The following ZNF613 variants were observed in gnomAD, a reference collection of about 807,000 sequenced individuals.
The protein encoded by ZNF613 is zinc finger protein 613.
ZNF613 carries 8 observed loss-of-function variants against 14.3 expected under a neutral mutation model. The ratio of observed to expected loss-of-function variants is 0.56; its 90% CI spans 0.33 to 1.01. The LOEUF (loss-of-function observed/expected upper bound fraction) is 1.01, where lower values mean the gene tolerates loss of function less well. ZNF613 is among the 50% of genes least tolerant of loss of function. ZNF613 has a pLI of 0.03. For missense variants in ZNF613, 656 were observed against 741.9 expected (o/e 0.88, Z 1.35); for synonymous variants, 228 against 254.5 (o/e 0.90, Z 0.99).
At chr19:51,932,302 C>CTTTTTT (rs34474633) in intron 2 of ZNF613, among the ~76,000 whole-genome samples, 6 of 90,954 alleles carry the variant, frequency 6.6e-5, no homozygotes, top group East Asian at 3.0e-4. Context: ...CTCCCAACAT[C>CTTTTTT]TTTTTTTTTT....
rs201644467 is a variant in ZNF613, at chr19:51,945,686, G to A, written c.1803G>A (p.Gln601=). The A allele has an allele frequency of 2.7e-5, 43 of 1,614,044 alleles. No individual in the cohort carries two copies. The highest frequency in any genetic ancestry group is 3.6e-5 in the Non-Finnish European group (42 of 1,180,026). Reference sequence around the variant, plus strand: ...AGAGCAAAGTAGCCATTGTGAGCCAGCCTGTTGCCAGAAGTTCAGTCTCAG... The same window carrying A: ...AGAGCAAAGTAGCCATTGTGAGCCAACCTGTTGCCAGAAGTTCAGTCTCAG... ...QAESKVAIVS[Q]PVARSSVSAD... The change falls in exon 6 of 6, where the codon CAG becomes CAA. Residue 601 remains glutamine (Q), a synonymous_variant. Transcript: ENST00000293471.
chr19:51,945,201 A>G lies in ZNF613; in HGVS notation c.1318A>G (p.Lys440Glu), dbSNP rs745924566. ...CNECGKGFSQ[K>E]TCLISHQRFH... ...TGAATGTGGGAAAGGCTTCAGCCAG[A>G]AGACATGTTTAATATCCCATCAGAG... The change falls in exon 6 of 6, where the codon AAG (lysine) becomes GAG (glutamate). Residue 440 changes from lysine (K) to glutamate (E), a missense_variant. Lys to Glu is a moderately conservative substitution (Grantham distance 56). Transcript: ENST00000293471. 1 of 1,614,240 alleles carries G rather than the reference A, an allele frequency of 6.2e-7. No individual in the cohort carries two copies. Among genetic ancestry groups the G allele is most frequent in the Admixed American group, 1.7e-5 (1 of 60,026 alleles).
At chr19:51,938,333 G>A (rs2085320543) in intron 3 of ZNF613, among the ~76,000 whole-genome samples, 1 of 151,598 alleles carries the variant, frequency 6.6e-6, no homozygotes. Context: ...GTGCAGTGGT[G>A]TGAACATGGC....
At chr19:51,934,332 G>C (rs1263026258) in intron 2 of ZNF613, among the ~76,000 whole-genome samples, 1 of 151,202 alleles carries the variant, frequency 6.6e-6, no homozygotes, top group Non-Finnish European at 1.5e-5. Context: ...TGTTTTTTTT[G>C]TTGTTGGTAC....
chr19:51,944,365 G>A lies in ZNF613; in HGVS notation c.482G>A (p.Gly161Glu). ...AATTCTGTGGGGGTTAATGGAGATG[G>A]GAAATCCTTCCTTCATGCCAAGCAT... ...IKNSVGVNGD[G>E]KSFLHAKHEQ... Residue 161 changes from glycine to glutamate, a missense_variant, in exon 6 of 6, where the codon GGG becomes GAG. Physicochemically the swap from Gly to Glu is moderately conservative, Grantham distance 98. Coordinates refer to ENST00000293471, the MANE Select transcript of ZNF613 (RefSeq NM_001031721.4). The A allele has an allele frequency of 5.6e-6, 9 of 1,600,750 alleles. No individual in the cohort carries two copies. The highest frequency in any genetic ancestry group is 7.7e-6 in the Non-Finnish European group (9 of 1,169,952).
chr19:51,937,517 C>T (rs2085313337), intron 3 of ZNF613, among the ~76,000 whole-genome samples: 3 of 152,140 alleles, frequency 2.0e-5, no homozygotes, highest in African/African-American at 7.2e-5. Context: ...GTGACCGGAG[C>T]ATCCTGTGGG....
At chr19:51,927,929 A>C (rs2085228577) in intron 1 of ZNF613, 1 of 152,102 alleles carries the variant, frequency 6.6e-6, no homozygotes, top group East Asian at 1.9e-4. Flanking sequence ...GGCTCACTGC[A>C]GCCTCCATCT....
chr19:51,945,100 G>C lies in ZNF613; in HGVS notation c.1217G>C (p.Gly406Ala). 6.2e-7 allele frequency: 1 copy of C among 1,614,188 alleles called. No homozygotes were observed. Among genetic ancestry groups the C allele is most frequent in the Non-Finnish European group, 8.5e-7 (1 of 1,180,040 alleles). ...AAACCCTATATATGCAATGAATGTG[G>C]AAAAGGCTTCATCCAAAAGGGCAAC... ...GEKPYICNECGKGFIQKGNLL... is the reference protein window; with the variant it reads ...GEKPYICNECAKGFIQKGNLL... Residue 406 changes from glycine (G) to alanine (A), a missense_variant, in exon 6 of 6, where the codon GGA (glycine) becomes GCA (alanine). Gly to Ala is a moderately conservative substitution (Grantham distance 60). Coordinates refer to ENST00000293471, the MANE Select transcript of ZNF613 (RefSeq NM_001031721.4).
chr19:51,931,787 A>G (rs1431110205), intron 2 of ZNF613, among the ~76,000 whole-genome samples: 1 of 152,134 alleles, frequency 6.6e-6, no homozygotes, highest in Admixed American at 6.5e-5. Context: ...CTGGCAACCA[A>G]CTATGTGCTT....
intron 4 of ZNF613, 132 bp from the exon 5 acceptor site, chr19:51,940,485 C>T: frequency 6.7e-7 from 1 of 1,489,888 alleles, no homozygotes; most frequent in African/African-American, 1.4e-5. Context: ...TAATGTGCCC[C>T]CTTTAGAGGG....
intron 2 of ZNF613, 104 bp downstream of exon 2, chr19:51,930,000 T>A (rs2085251120): frequency 6.6e-6 from 1 of 152,234 alleles, no homozygotes; most frequent in African/African-American, 2.4e-5. Context: ...ATTAGTCCCA[T>A]ACTGTATAAT....
intron 2 of ZNF613, among the ~76,000 whole-genome samples, chr19:51,934,110 T>C (rs1349948131): frequency 6.6e-6 from 1 of 151,938 alleles, no homozygotes; most frequent in Non-Finnish European, 1.5e-5. Context: ...GCCAGTCACC[T>C]TTTTTTTGAC....
At chr19:51,932,459 G>A (rs1192521003) in intron 2 of ZNF613, among the ~76,000 whole-genome samples, 2 of 151,608 alleles carry the variant, frequency 1.3e-5, no homozygotes, top group African/African-American at 4.8e-5. Context: ...CACCATGCCT[G>A]GCTAATTTTG....
In ZNF613 at chr19:51,944,107, C is replaced by T. The variant is rs764461500; in HGVS notation, c.236-12C>T. 5 of 1,517,510 alleles carry T rather than the reference C, an allele frequency of 3.3e-6. No individual in the cohort carries two copies. The African/African-American group carries it at 4.2e-5, about 13-fold the overall frequency. The allele number at this position is 1,517,510 out of a possible 1,614,324, so 94.0% of individuals were successfully genotyped here. On this transcript the variant is annotated splice_polypyrimidine_tract_variant and intron_variant, in intron 5 of 5. Transcript: ENST00000293471. ...TGCTCATGGAAAGATTTATTGTTCTCTTCTTTCCTAGAAATCAAGAAAGTT... is the reference window on the plus strand; with the variant it reads ...TGCTCATGGAAAGATTTATTGTTCTTTTCTTTCCTAGAAATCAAGAAAGTT...
intron 2 of ZNF613, among the ~76,000 whole-genome samples, chr19:51,933,212 G>A (rs531776532): frequency 7.2e-5 from 11 of 152,222 alleles, no homozygotes; most frequent in African/African-American, 2.4e-4. Context: ...CAGTCTATAC[G>A]AGTGCTTTTG....
At chr19:51,938,429 G>A (rs1157763560) in intron 3 of ZNF613, among the ~76,000 whole-genome samples, 1 of 151,786 alleles carries the variant, frequency 6.6e-6, no homozygotes, top group African/African-American at 2.4e-5. Context: ...ACATCCAGCT[G>A]ATGGTTGTAT....
At chr19:51,940,446 T>C in intron 4 of ZNF613, 111 bp downstream of exon 4, 2 of 1,575,148 alleles carry the variant, frequency 1.3e-6, no homozygotes, top group South Asian at 1.1e-5. Context: ...GTAGATTCTG[T>C]ACCCTCTCTG....
chr19:51,928,942 G>T (rs1187756041), intron 1 of ZNF613, among the ~76,000 whole-genome samples: 3 of 151,816 alleles, frequency 2.0e-5, no homozygotes, highest in South Asian at 2.1e-4. Flanking sequence ...AAAGATTTTC[G>T]TTCTTCTTCC....
Position 51,944,986 on chromosome 19 carries a change from G to A in ZNF613, c.1103G>A (p.Gly368Glu). The A allele has an allele frequency of 6.2e-7, 1 of 1,614,228 alleles. No individual in the cohort carries two copies. Residue 368 changes from glycine (G) to glutamate (E), a missense_variant, in exon 6 of 6, where the codon GGA becomes GAA. Transcript: ENST00000293471. ...AATGCACATCAGAAAGCTCACACAG[G>A]AGAGAAGTCATATATATGCCGTGAT... ...QLNAHQKAHTGEKSYICRDCG... is the reference protein window; with the variant it reads ...QLNAHQKAHTEEKSYICRDCG...
Sources: allele counts gnomAD v4.1 joint callset (sites outside exome capture counted in the v4.1 genomes callset), GRCh38; gene constraint gnomAD v4.1.1; transcripts MANE v1.5; gene names NCBI Gene and HGNC (gene_info 2026-07-23, HGNC 2026-07-21).